The following RDH5 variants were observed in gnomAD, a reference collection of about 807,000 sequenced individuals.
The protein encoded by RDH5 is 11-cis RDH.
A neutral mutation model predicts 24.0 loss-of-function variants in RDH5; 25 were observed. That is an observed-to-expected ratio of 1.04 (90% CI 0.76 to 1.46). RDH5 has a LOEUF of 1.46. Ranked by LOEUF, RDH5 falls within the 40% of genes most tolerant of loss-of-function variation. RDH5 has a pLI of 0.00. For synonymous variants in RDH5, 170 were observed against 175.2 expected (o/e 0.97, Z 0.23); for missense variants, 369 against 410.3 (o/e 0.90, Z 0.87).
chr12:55,723,738 C>A, intron 3 of RDH5, 148 bp from the exon 4 acceptor site: 1 of 877,530 alleles, frequency 1.1e-6, no homozygotes, highest in Non-Finnish European at 1.8e-6. Flanking sequence ...CTCTACCCCA[C>A]TTGACCCTTG....
Position 55,724,338 on chromosome 12 carries a change from G to C in RDH5, c.750G>C (p.Gln250His), listed in dbSNP as rs1301896762. ...AFLTKYLKMQ[Q>H]RIMNLICDPD... ...GGGCTGCAGACCTGAAAATGCAACAGCGCATCATGAACCTGATCTGTGACC... is the reference window on the plus strand; with the variant it reads ...GGGCTGCAGACCTGAAAATGCAACACCGCATCATGAACCTGATCTGTGACC... The change falls in exon 5 of 5, where the codon CAG becomes CAC. Residue 250 changes from glutamine (Q) to histidine (H), a missense_variant. Coordinates refer to ENST00000257895, the MANE Select transcript of RDH5 (RefSeq NM_002905.5). The C allele has an allele frequency of 2.5e-6, 4 of 1,614,078 alleles. No homozygotes were observed. The highest frequency in any genetic ancestry group is 2.2e-5 in the South Asian group (2 of 91,094).
Position 55,724,681 on chromosome 12 carries a change from G to A in RDH5, c.*136G>A. The A allele has an allele frequency of 1.1e-6, 1 of 916,690 alleles. No individual in the cohort carries two copies. The highest frequency in any genetic ancestry group is 1.4e-5 in the South Asian group (1 of 70,902). 56.8% of individuals were successfully genotyped at this position (916,690 alleles called of 1,614,324 possible). A position where few individuals can be genotyped will look rare whatever the true frequency, so the allele number is the denominator to read the frequency against. ...GTATTGTTTAAAAAATAAAAAGAAGGTGGGCAGAAATGTGCCCAGTGGAAG... is the reference window on the plus strand; with the variant it reads ...GTATTGTTTAAAAAATAAAAAGAAGATGGGCAGAAATGTGCCCAGTGGAAG... On this transcript the variant is annotated 3_prime_UTR_variant, in exon 5 of 5. Transcript: ENST00000257895.
chr12:55,724,145 A>G, intron 4 of RDH5, 96 bp downstream of exon 4: 2 of 1,509,318 alleles, frequency 1.3e-6, no homozygotes, highest in Non-Finnish European at 9.0e-7. Context: ...TGGGGCACCC[A>G]GGGCAGGGTT....
chr12:55,722,028 C>T, intron 3 of RDH5, 81 bp downstream of exon 3: 1 of 1,434,832 alleles, frequency 7.0e-7, no homozygotes, highest in Non-Finnish European at 9.5e-7. Flanking sequence ...GGTTAAGATA[C>T]AGCACATTGG....
chr12:55,723,155 T>C (rs991166658), intron 3 of RDH5: 10 of 152,398 alleles, frequency 6.6e-5, no homozygotes, highest in African/African-American at 2.4e-4. Context: ...GGCTAGTATT[T>C]TTTTACAGAT....
At position 55,721,322 on chromosome 12, in the gene RDH5, G is replaced by A; in HGVS notation, c.138G>A (p.Leu46=). 1 of 1,614,078 alleles carries A rather than the reference G, an allele frequency of 6.2e-7. No homozygotes were observed. Residue 46 remains leucine (L), a synonymous_variant, in exon 2 of 5, where the codon CTG becomes CTA. Coordinates refer to ENST00000257895, the MANE Select transcript of RDH5 (RefSeq NM_002905.5). This position sits in a 1 kb window ranked among gnomAD's most constrained non-coding sequence, Gnocchi z 4.7. ...CAGGCTTTGGGCGCCTTCTGGCACT[G>A]CAGCTGGACCAGAGAGGCTTCCGAG... ...CDSGFGRLLA[L]QLDQRGFRVL...
At chr12:55,723,353 T>C (rs1407058362) in intron 3 of RDH5, 1 of 163,420 alleles carries the variant, frequency 6.1e-6, no homozygotes, top group African/African-American at 2.4e-5. Flanking sequence ...TCTACATCTG[T>C]GCCAGGGCAG....
chr12:55,720,906 A>AT lies in RDH5; in HGVS notation c.-32-247_-32-246insT, dbSNP rs1555167991. The AT allele has an allele frequency of 1.8e-5, 6 of 332,186 alleles. No homozygotes were observed. The East Asian group carries it at 3.2e-4, about 18-fold the overall frequency. The allele number at this position is 332,186 out of a possible 1,614,324, so 20.6% of individuals were successfully genotyped here. On this transcript the variant is annotated intron_variant, in intron 1 of 4. Transcript: ENST00000257895. ...CTCAAAAAAAAAAAAAAAAAAAAAA[A>AT]GATGCCTCTGCTCCATACAGCAGGT...
chr12:55,724,417 C>A lies in RDH5; in HGVS notation c.829C>A (p.Pro277Thr), dbSNP rs1334112677. ...CLEHALTARH[P>T]RTRYSPGWDA... is the part of the protein sequence containing the mutation. ...GGAGCATGCCCTGACTGCTCGACACCCCCGAACCCGCTACAGCCCAGGTTG... is the reference window on the plus strand; with the variant it reads ...GGAGCATGCCCTGACTGCTCGACACACCCGAACCCGCTACAGCCCAGGTTG... Residue 277 changes from proline to threonine, a missense_variant, in exon 5 of 5, where the codon CCC (proline) becomes ACC (threonine). Pro to Thr is a conservative substitution (Grantham distance 38). Transcript: ENST00000257895. The A allele has an allele frequency of 1.9e-6, 3 of 1,614,166 alleles. No individual in the cohort carries two copies. The highest frequency in any genetic ancestry group is 1.7e-5 in the Admixed American group (1 of 60,020).
chr12:55,721,370 C>A lies in RDH5; in HGVS notation c.186C>A (p.Pro62=). ...GFRVLASCLT[P]SGAEDLQRVA... ...GAGTCCTGGCCAGCTGCCTGACCCC[C>A]TCCGGGGCCGAGGACCTGCAGCGGG... is the stretch of plus-strand genomic sequence containing the variant. Residue 62 remains proline (P), a synonymous_variant, in exon 2 of 5, where the codon CCC becomes CCA. Transcript: ENST00000257895. The surrounding 1 kb of genome is among the most constrained non-coding windows in gnomAD (Gnocchi z 4.7). 2 of 1,613,984 alleles carry A rather than the reference C, an allele frequency of 1.2e-6. No homozygotes were observed. Among genetic ancestry groups the A allele is most frequent in the Non-Finnish European group, 1.7e-6 (2 of 1,180,034 alleles).
Position 55,721,017 on chromosome 12 carries a change from G to A in RDH5, c.-32-136G>A. 2 of 665,394 alleles carry A rather than the reference G, an allele frequency of 3.0e-6. No homozygotes were observed. The highest frequency in any genetic ancestry group is 3.5e-5 in the South Asian group (2 of 57,382). 41.2% of individuals were successfully genotyped at this position (665,394 alleles called of 1,614,324 possible). A position where few individuals can be genotyped will look rare whatever the true frequency, so the allele number is the denominator to read the frequency against. On this transcript the variant is annotated intron_variant, in intron 1 of 4. Transcript: ENST00000257895. This position sits in a 1 kb window ranked among gnomAD's most constrained non-coding sequence, Gnocchi z 4.7. ...CCACATCTTTGCTTTGAACAGATGA[G>A]CCATGGTTGGCCAATTATCTGCCAA...
Position 55,723,871 on chromosome 12 carries a change from C to G in RDH5, c.570-15C>G. ...AGGGCAAGAACCCAGCAACTTCGCT[C>G]TGCCCCGACTCTAGGCGGGATGTAG... On this transcript the variant is annotated splice_polypyrimidine_tract_variant and intron_variant, in intron 3 of 4. Coordinates refer to ENST00000257895, the MANE Select transcript of RDH5 (RefSeq NM_002905.5). 1 of 1,612,872 alleles carries G rather than the reference C, an allele frequency of 6.2e-7. No individual in the cohort carries two copies. The highest frequency in any genetic ancestry group is 8.5e-7 in the Non-Finnish European group (1 of 1,180,004).
chr12:55,722,387 A>ATC (rs1876968379), intron 3 of RDH5: 1 of 170,374 alleles, frequency 5.9e-6, no homozygotes. Flanking sequence ...TGACCTCGTG[A>ATC]TCCGCCCACC....
intron 3 of RDH5, 165 bp downstream of exon 3, chr12:55,722,112 AC>A: frequency 2.9e-6 from 2 of 685,122 alleles, no homozygotes; most frequent in Non-Finnish European, 4.8e-6. Context: ...AAGCTTTGTG[AC>A]CATAAGTAGA....
rs765993603 is a variant in RDH5 at position 55,721,691 on chromosome 12, C to A, written c.313C>A (p.Leu105Ile). 3 of 1,610,688 alleles carry A rather than the reference C, an allele frequency of 1.9e-6. No individual in the cohort carries two copies. Among genetic ancestry groups the A allele is most frequent in the Non-Finnish European group, 2.5e-6 (3 of 1,180,026 alleles). ...WVEMHVKEAG[L>I]FGLVNNAGVA... ...GCATCCTTTTCATCTCCCCACAGGGCTTTTTGGTCTGGTGAATAATGCTGG... is the reference window on the plus strand; with the variant it reads ...GCATCCTTTTCATCTCCCCACAGGGATTTTTGGTCTGGTGAATAATGCTGG... Residue 105 changes from leucine to isoleucine, a missense_variant and splice_region_variant, in exon 3 of 5, where the codon CTT becomes ATT. Transcript: ENST00000257895. The surrounding 1 kb of genome is among the most constrained non-coding windows in gnomAD (Gnocchi z 4.7).
At position 55,722,546 on chromosome 12, in the gene RDH5, T is replaced by G. The variant is rs116307318; in HGVS notation, c.569+599T>G. On this transcript the variant is annotated intron_variant, in intron 3 of 4. Transcript: ENST00000257895. ...AGTAGGGCCTGAGTTTTTTTTTGTT[T>G]TTTTTTTTTTAAGCGTTTTGCTCTT... 9.0e-3 allele frequency: 1,355 copies of G among 151,340 alleles called. 25 individuals carry two copies. The highest frequency in any genetic ancestry group is 0.029 in the African/African-American group (1,185 of 40,996). The allele number at this position is 151,340 out of a possible 1,614,324, so 9.4% of individuals were successfully genotyped here. A position where few individuals can be genotyped will look rare whatever the true frequency, so the allele number is the denominator to read the frequency against.
In RDH5 at chr12:55,721,301, C is replaced by T; in HGVS notation, c.117C>T (p.Gly39=). The T allele has an allele frequency of 6.2e-7, 1 of 1,614,108 alleles. No homozygotes were observed. The highest frequency in any genetic ancestry group is 8.5e-7 in the Non-Finnish European group (1 of 1,180,042). Residue 39 remains glycine, a synonymous_variant, in exon 2 of 5, where the codon GGC becomes GGT. Transcript: ENST00000257895. The surrounding 1 kb of genome is among the most constrained non-coding windows in gnomAD (Gnocchi z 4.7). The stretch of plus-strand genomic sequence containing the variant: ...TCTTCATCACCGGCTGTGACTCAGG[C>T]TTTGGGCGCCTTCTGGCACTGCAGC... ...AFVFITGCDS[G]FGRLLALQLD...
rs775251374 is a variant in RDH5, at chr12:55,721,448, C to T, written c.264C>T (p.Ser88=). Residue 88 remains serine, a synonymous_variant, in exon 2 of 5, where the codon AGC becomes AGT. Transcript: ENST00000257895. This position sits in a 1 kb window ranked among gnomAD's most constrained non-coding sequence, Gnocchi z 4.7. ...TTLLDITDPQ[S]VQQAAKWVEM... ...TGTTGGATATCACTGATCCCCAGAG[C>T]GTCCAGCAGGCAGCCAAGTGGGTGG... 73 of 1,612,632 alleles carry T rather than the reference C, an allele frequency of 4.5e-5. No individual in the cohort carries two copies. Among genetic ancestry groups the T allele is most frequent in the Middle Eastern group, 1.6e-4 (1 of 6,084 alleles).
chr12:55,721,845 G>A lies in RDH5; in HGVS notation c.467G>A (p.Gly156Asp). The A allele has an allele frequency of 6.2e-7, 1 of 1,614,064 alleles. No individual in the cohort carries two copies. The highest frequency in any genetic ancestry group is 8.5e-7 in the Non-Finnish European group (1 of 1,180,028). The change falls in exon 3 of 5, where the codon GGC (glycine) becomes GAC (aspartate). Residue 156 changes from glycine to aspartate, a missense_variant. Gly to Asp is a moderately conservative substitution (Grantham distance 94, BLOSUM62 -1). Coordinates refer to ENST00000257895, the MANE Select transcript of RDH5 (RefSeq NM_002905.5). The surrounding 1 kb of genome is among the most constrained non-coding windows in gnomAD (Gnocchi z 4.7). ...ALLPLLQQAR[G>D]RVINITSVLG... ...CTGCCTCTGCTGCAGCAAGCCCGGG[G>A]CCGGGTGATCAACATCACCAGCGTC...
Sources: allele counts gnomAD v4.1 joint callset, GRCh38; gene constraint gnomAD v4.1.1; non-coding constraint Gnocchi (gnomAD v3.1); transcripts MANE v1.5; gene names NCBI Gene and HGNC (gene_info 2026-07-23, HGNC 2026-07-21).